The following PDGFRL variants were observed in gnomAD, a reference collection of about 807,000 sequenced individuals.
PDGFRL encodes the protein platelet-derived growth factor receptor-like protein.
In PDGFRL, 46 loss-of-function variants were observed where a neutral mutation model predicts 37.2. The observed-to-expected ratio is 1.24, with a 90% CI of 0.98 to 1.58. The LOEUF is 1.58. PDGFRL is among the 40% of genes most tolerant of loss of function. PDGFRL has a pLI of 0.00. For synonymous variants in PDGFRL, 251 were observed against 184.3 expected, an observed-to-expected ratio of 1.36 and a Z score of -2.93; for missense variants, 692 against 467.6, an observed-to-expected ratio of 1.48 and a Z score of -4.43.
chr8:17,623,810 G>T (rs1229201944), intron 3 of PDGFRL, among the ~76,000 whole-genome samples: 4 of 150,388 alleles, frequency 2.7e-5, no homozygotes. Flanking sequence ...GGAGTTGGTG[G>T]TTGCAGTGAG....
chr8:17,576,815 T>G (rs2150803768), upstream of PDGFRL: 2 of 429,668 alleles, frequency 4.7e-6, no homozygotes, highest in East Asian at 2.9e-4. Context: ...TAGGAAGCAC[T>G]TTTTACAGAG....
intron 2 of PDGFRL, among the ~76,000 whole-genome samples, chr8:17,597,529 G>A (rs1477088082): frequency 2.2e-5 from 3 of 139,156 alleles, no homozygotes; most frequent in Non-Finnish European, 4.6e-5. Flanking sequence ...AAATGCCCAA[G>A]TAGAGAAAAA....
intron 2 of PDGFRL, among the ~76,000 whole-genome samples, chr8:17,592,911 TACATGCACACACAC>T (rs112077064): frequency 0.57 from 84,381 of 147,914 alleles, 25,158 homozygotes; most frequent in East Asian, 0.83. Context: ...TAAACCCACA[TACATGCACACACAC>T]ACACACACAC....
chr8:17,607,034 T>C (rs945318069), intron 2 of PDGFRL, among the ~76,000 whole-genome samples: 1 of 151,946 alleles, frequency 6.6e-6, no homozygotes. Context: ...TAGCTGGGAT[T>C]ACAGGTGCAT....
intron 2 of PDGFRL, among the ~76,000 whole-genome samples, chr8:17,612,918 A>C (rs914256344): frequency 3.4e-5 from 5 of 147,366 alleles, no homozygotes; most frequent in Non-Finnish European, 7.7e-5. Flanking sequence ...AAAATATTCT[A>C]TCTCTTTTAT....
At chr8:17,581,002 G>C (rs2517268) in intron 1 of PDGFRL, among the ~76,000 whole-genome samples, 52,623 of 151,846 alleles carry the variant, frequency 0.35, 10,525 homozygotes, top group East Asian at 0.55. Context: ...AGTCCTATTG[G>C]AGGAGAGCCT....
intron 2 of PDGFRL, among the ~76,000 whole-genome samples, chr8:17,602,889 G>A (rs576534474): frequency 1.1e-3 from 170 of 152,304 alleles, no homozygotes; most frequent in African/African-American, 4.0e-3. Context: ...TTATACCTAT[G>A]GTCCTTTCAG....
At chr8:17,623,753 G>A (rs1804679236) in intron 3 of PDGFRL, among the ~76,000 whole-genome samples, 1 of 151,814 alleles carries the variant, frequency 6.6e-6, no homozygotes, top group African/African-American at 2.4e-5. Flanking sequence ...GCACAGTTGT[G>A]CTCCCAGCTG....
chr8:17,636,079 C>T (rs574540706), intron 5 of PDGFRL, among the ~76,000 whole-genome samples: 1 of 152,262 alleles, frequency 6.6e-6, no homozygotes, highest in African/African-American at 2.4e-5. Flanking sequence ...TGTGTTTATT[C>T]TACTGATTAT....
chr8:17,593,902 A>G (rs34712490), intron 2 of PDGFRL, among the ~76,000 whole-genome samples: 2 of 149,164 alleles, frequency 1.3e-5, no homozygotes, highest in African/African-American at 5.0e-5. Flanking sequence ...AAAAAAAAAG[A>G]AAAAAAAAGA....
intron 2 of PDGFRL, among the ~76,000 whole-genome samples, chr8:17,612,489 G>C (rs576407763): frequency 7.6e-4 from 116 of 152,148 alleles, no homozygotes; most frequent in African/African-American, 2.7e-3. Context: ...TCCTGCCTCA[G>C]CCTTCTGAGT....
At chr8:17,619,631 T>C (rs951927982) in intron 2 of PDGFRL, among the ~76,000 whole-genome samples, 1 of 152,230 alleles carries the variant, frequency 6.6e-6, no homozygotes, top group African/African-American at 2.4e-5. Context: ...AACATGATAA[T>C]GTAGCATGTG....
chr8:17,615,760 G>C (rs2517212), intron 2 of PDGFRL, among the ~76,000 whole-genome samples: 126,379 of 152,160 alleles, frequency 0.83, 52,815 homozygotes, highest in Middle Eastern at 0.89. Context: ...ACAAAAAAAT[G>C]TAAAAAAATT....
intron 2 of PDGFRL, among the ~76,000 whole-genome samples, chr8:17,615,278 T>G (rs533165356): frequency 6.6e-6 from 1 of 151,314 alleles, no homozygotes; most frequent in South Asian, 2.1e-4. Context: ...CTGAGCTCAT[T>G]TAACTGGATC....
chr8:17,601,477 T>C (rs2588133), intron 2 of PDGFRL, among the ~76,000 whole-genome samples: 150,244 of 151,610 alleles, frequency 0.99, 74,458 homozygotes, highest in Middle Eastern at 1. Context: ...TTCCTCTTTC[T>C]AACTTTTAGG....
At chr8:17,631,901 C>T (rs1038973656) in intron 4 of PDGFRL, among the ~76,000 whole-genome samples, 40 of 152,210 alleles carry the variant, frequency 2.6e-4, no homozygotes, top group African/African-American at 9.2e-4. Context: ...TTGTTCTGTC[C>T]CTGGGCCAGC....
intron 3 of PDGFRL, among the ~76,000 whole-genome samples, chr8:17,625,105 G>A (rs1240465352): frequency 6.6e-6 from 1 of 150,520 alleles, no homozygotes; most frequent in Admixed American, 6.7e-5. Flanking sequence ...TCGTCATTTA[G>A]CATTAGGTAT....
chr8:17,634,604 A>G (rs913397844), intron 5 of PDGFRL, among the ~76,000 whole-genome samples: 4 of 152,312 alleles, frequency 2.6e-5, no homozygotes, highest in South Asian at 2.1e-4. Flanking sequence ...TAAAGAAAAC[A>G]TAGTACATAT....
At chr8:17,584,717 C>CTT (rs58165312) in intron 1 of PDGFRL, among the ~76,000 whole-genome samples, 2,005 of 145,186 alleles carry the variant, frequency 0.014, 61 homozygotes, top group African/African-American at 0.048. Context: ...TCAGAAACTG[C>CTT]TTTTTTTTTT....
Sources: allele counts gnomAD v4.1 joint callset (sites outside exome capture counted in the v4.1 genomes callset), GRCh38; gene constraint gnomAD v4.1.1; transcripts MANE v1.5; gene names NCBI Gene and HGNC (gene_info 2026-07-23, HGNC 2026-07-21).